KCNJ6: variants seen among roughly 807,000 people sequenced by gnomAD.
KCNJ6 encodes G protein-activated inward rectifier potassium channel 2.
A neutral mutation model predicts 34.2 loss-of-function variants in KCNJ6; 9 were observed. That is an observed-to-expected ratio of 0.26 (90% CI 0.16 to 0.46). The LOEUF (loss-of-function observed/expected upper bound fraction) is 0.46. Ranked by LOEUF, KCNJ6 falls within the 20% of genes least tolerant of loss-of-function variation. KCNJ6 has a pLI of 1.00. For synonymous variants in KCNJ6, 196 were observed against 207.1 expected, an observed-to-expected ratio of 0.95 and a Z score of 0.46; for missense variants, 236 against 531.3, an observed-to-expected ratio of 0.44 and a Z score of 5.46.
chr21:37,902,864 C>T (rs750789937), intron 1 of KCNJ6, among the ~76,000 whole-genome samples: 1 of 152,166 alleles, frequency 6.6e-6, no homozygotes. Context: ...CAAGAAGCCA[C>T]CTAGTTTATT....
chr21:37,893,947 CT>C (rs2055775250), intron 1 of KCNJ6, among the ~76,000 whole-genome samples: 1 of 152,172 alleles, frequency 6.6e-6, no homozygotes, highest in Non-Finnish European at 1.5e-5. Context: ...CTTCCTTTCT[CT>C]TTCTTTTCAC....
intron 1 of KCNJ6, among the ~76,000 whole-genome samples, chr21:37,877,694 A>G (rs1044370822): frequency 3.3e-5 from 5 of 151,816 alleles, no homozygotes; most frequent in Non-Finnish European, 7.4e-5. Context: ...TTCCCCACCT[A>G]CAGTCGGATC....
At chr21:37,683,435 T>A (rs912282711) in intron 3 of KCNJ6, among the ~76,000 whole-genome samples, 16 of 152,190 alleles carry the variant, frequency 1.1e-4, no homozygotes, top group Non-Finnish European at 1.9e-4. Context: ...GGAGTGATCA[T>A]CTTGTTCCTC....
chr21:37,788,538 G>A (rs1329706520), intron 2 of KCNJ6, among the ~76,000 whole-genome samples: 3 of 152,180 alleles, frequency 2.0e-5, no homozygotes, highest in Non-Finnish European at 4.4e-5. Flanking sequence ...CTTTACAGAT[G>A]TGTTCAATAA....
At position 37,686,113 on chromosome 21, in the gene KCNJ6, T is replaced by C. The variant is rs2054614033; in HGVS notation, c.946+28098A>G. Among the ~76,000 whole-genome samples, 5 of 152,276 alleles carry C rather than the reference T, an allele frequency of 3.3e-5. No individual in the cohort carries two copies. The South Asian group carries it at 1.0e-3, about 32-fold the overall frequency. On this transcript the variant is annotated intron_variant, in intron 3 of 3. Transcript: ENST00000609713. Reference sequence around the variant, plus strand: ...TTTCATTATCTATCCTTTATACCATTTGAATGTCTTATCCTGTGCAAGCAT... The same window carrying C: ...TTTCATTATCTATCCTTTATACCATCTGAATGTCTTATCCTGTGCAAGCAT...
intron 2 of KCNJ6, among the ~76,000 whole-genome samples, chr21:37,724,328 A>G (rs2054842839): frequency 6.6e-6 from 1 of 152,140 alleles, no homozygotes; most frequent in Non-Finnish European, 1.5e-5. Context: ...ATTAAAAAAA[A>G]AAACTTTTTA....
chr21:37,791,665 T>TG (rs1363653848), intron 2 of KCNJ6, among the ~76,000 whole-genome samples: 1 of 152,250 alleles, frequency 6.6e-6, no homozygotes, highest in Non-Finnish European at 1.5e-5. Context: ...GAGATTTTAT[T>TG]GGCCACCTGT....
chr21:37,783,227 G>A (rs1383890484), intron 2 of KCNJ6, among the ~76,000 whole-genome samples: 1 of 152,184 alleles, frequency 6.6e-6, no homozygotes, highest in Non-Finnish European at 1.5e-5. Context: ...GCTAACCACG[G>A]ATGAGGGCGT....
intron 2 of KCNJ6, among the ~76,000 whole-genome samples, chr21:37,831,229 G>GA (rs1489803686): frequency 2.0e-5 from 3 of 152,328 alleles, no homozygotes; most frequent in Middle Eastern, 3.4e-3. Context: ...ATCTCACAGT[G>GA]AAAAAATACC....
At chr21:37,727,266 T>C (rs943027621) in intron 2 of KCNJ6, among the ~76,000 whole-genome samples, 1 of 152,164 alleles carries the variant, frequency 6.6e-6, no homozygotes, top group Non-Finnish European at 1.5e-5. Context: ...ATGGTATTTG[T>C]TATGGCAACC....
chr21:37,880,653 C>T (rs930378340), intron 1 of KCNJ6, among the ~76,000 whole-genome samples: 7 of 152,060 alleles, frequency 4.6e-5, no homozygotes, highest in South Asian at 2.1e-4. Flanking sequence ...TTTCTGTTAC[C>T]GCCCTTCAAA....
At chr21:37,782,196 T>C (rs2055172722) in intron 2 of KCNJ6, among the ~76,000 whole-genome samples, 1 of 152,034 alleles carries the variant, frequency 6.6e-6, no homozygotes, top group African/African-American at 2.4e-5. Context: ...GGAGTGCAAG[T>C]AGCCTCTAGA....
chr21:37,693,937 A>T (rs543163913), intron 3 of KCNJ6, among the ~76,000 whole-genome samples: 163 of 55,910 alleles, frequency 2.9e-3, no homozygotes, highest in African/African-American at 0.012. Flanking sequence ...TTTTTTTTTA[A>T]AAAAAACAAA....
chr21:37,838,573 A>C (rs1391887311), intron 2 of KCNJ6, among the ~76,000 whole-genome samples: 1 of 152,226 alleles, frequency 6.6e-6, no homozygotes, highest in Non-Finnish European at 1.5e-5. Context: ...ATTTGGACTT[A>C]AAGATTAGAA....
At chr21:37,634,709 A>C (rs1314644910) in intron 3 of KCNJ6, among the ~76,000 whole-genome samples, 2 of 152,222 alleles carry the variant, frequency 1.3e-5, no homozygotes, top group Non-Finnish European at 2.9e-5. Flanking sequence ...ACTTTTATGA[A>C]GTTAAAATAA....
chr21:37,748,946 G>C (rs930368121), intron 2 of KCNJ6, among the ~76,000 whole-genome samples: 3 of 152,084 alleles, frequency 2.0e-5, no homozygotes, highest in Non-Finnish European at 4.4e-5. Flanking sequence ...GTCTTAATAG[G>C]TATAGAGCTA....
chr21:37,719,809 G>A (rs1331342272), intron 2 of KCNJ6, among the ~76,000 whole-genome samples: 1 of 152,200 alleles, frequency 6.6e-6, no homozygotes, highest in Non-Finnish European at 1.5e-5. Context: ...GCGGAGCCTT[G>A]TCCTCGAATC....
At chr21:37,760,128 G>A (rs1460274072) in intron 2 of KCNJ6, among the ~76,000 whole-genome samples, 1 of 152,188 alleles carries the variant, frequency 6.6e-6, no homozygotes, top group Non-Finnish European at 1.5e-5. Flanking sequence ...ACATCAGATG[G>A]AACCTACAAG....
At chr21:37,814,193 C>T (rs1366727754) in intron 2 of KCNJ6, among the ~76,000 whole-genome samples, 3 of 152,180 alleles carry the variant, frequency 2.0e-5, no homozygotes, top group Non-Finnish European at 4.4e-5. Context: ...ATGCATATCA[C>T]AACTATAATG....
Sources: allele counts gnomAD v4.1 joint callset (sites outside exome capture counted in the v4.1 genomes callset), GRCh38; gene constraint gnomAD v4.1.1; transcripts MANE v1.5; gene names NCBI Gene and HGNC (gene_info 2026-07-23, HGNC 2026-07-21).